Variants in SCG3 observed in about 807,000 individuals in gnomAD.
SCG3 encodes secretogranin-3.
SCG3 carries 38 observed loss-of-function variants against 56.2 expected under a neutral mutation model. That is an observed-to-expected ratio of 0.68 (90% CI 0.52 to 0.89). SCG3 has a LOEUF of 0.89. SCG3 is among the 40% of genes least tolerant of loss of function. SCG3 has a pLI of 0.00. For missense variants in SCG3, 524 were observed against 540.7 expected (o/e 0.97, Z 0.31); for synonymous variants, 176 against 184.2 (o/e 0.96, Z 0.36).
intron 10 of SCG3, among the ~76,000 whole-genome samples, chr15:51,707,563 C>G (rs905276929): frequency 3.3e-5 from 5 of 152,174 alleles, no homozygotes; most frequent in African/African-American, 1.2e-4. Context: ...TCATGAATCT[C>G]CTTTTTAGAA....
chr15:51,719,115 A>AT (rs1444168161), intron 11 of SCG3, among the ~76,000 whole-genome samples: 1 of 152,196 alleles, frequency 6.6e-6, no homozygotes, highest in Non-Finnish European at 1.5e-5. Context: ...AAACATTAAA[A>AT]TTTGCAAAGC....
intron 8 of SCG3, among the ~76,000 whole-genome samples, chr15:51,698,114 T>C (rs759655219): frequency 2.0e-5 from 3 of 152,236 alleles, no homozygotes; most frequent in Non-Finnish European, 2.9e-5. Context: ...CATTACACAT[T>C]AGAATATATT....
At position 51,709,824 on chromosome 15, in the gene SCG3, T is replaced by C. The variant is rs574781984; in HGVS notation, c.1208-3509T>C. On this transcript the variant is annotated intron_variant, in intron 10 of 11. Coordinates refer to ENST00000220478, the MANE Select transcript of SCG3 (RefSeq NM_013243.4). ...CAAGCTCCGCCTCCCGGGTTCATGC[T>C]ATTCTCCTGACTCAGCCTCCCGAGT... Among the ~76,000 whole-genome samples the C allele has an allele frequency of 5.8e-4, 82 of 141,284 alleles. 1 individual carries two copies. Among genetic ancestry groups the C allele is most frequent in the African/African-American group, 1.8e-3 (67 of 38,262 alleles). 92.7% of individuals were successfully genotyped at this position (141,284 alleles called of 152,430 possible).
At chr15:51,688,657 A>G (rs533512076) in intron 5 of SCG3, among the ~76,000 whole-genome samples, 1 of 152,338 alleles carries the variant, frequency 6.6e-6, no homozygotes, top group Admixed American at 6.5e-5. Context: ...AATAGCTTAT[A>G]TCCAACTGGC....
At chr15:51,708,098 C>T (rs543835288) in intron 10 of SCG3, 41 of 152,322 alleles carry the variant, frequency 2.7e-4, no homozygotes, top group African/African-American at 9.4e-4. Context: ...GGCCCTCCTC[C>T]CATCTGCTTC....
At position 51,681,712 on chromosome 15, in the gene SCG3, C is replaced by T; in HGVS notation, c.-44C>T. On this transcript the variant is annotated 5_prime_UTR_variant, in exon 1 of 12. Transcript: ENST00000220478. The stretch of plus-strand genomic sequence containing the variant: ...TCATTCATAACAAAAGCTACAGCTC[C>T]AGGAGCCCAGCGCCGGGCTGTGACC... 2.0e-6 allele frequency: 3 copies of T among 1,478,242 alleles called. No homozygotes were observed. The highest frequency in any genetic ancestry group is 2.8e-6 in the Non-Finnish European group (3 of 1,057,516). 91.6% of individuals were successfully genotyped at this position (1,478,242 alleles called of 1,614,324 possible).
chr15:51,699,442 A>T (rs1472047244), intron 9 of SCG3, 40 bp downstream of exon 9: 1 of 1,271,980 alleles, frequency 7.9e-7, no homozygotes, highest in Admixed American at 2.1e-5. Flanking sequence ...TTAGAATAAT[A>T]ACCCTTTTGA....
At chr15:51,694,502 C>CG (rs1174792463) in intron 7 of SCG3, among the ~76,000 whole-genome samples, 1 of 151,878 alleles carries the variant, frequency 6.6e-6, no homozygotes, top group Non-Finnish European at 1.5e-5. Context: ...ACCATATCTG[C>CG]GGGGGAGGAT....
At position 51,683,306 on chromosome 15, in the gene SCG3, A is replaced by G; in HGVS notation, c.269A>G (p.Glu90Gly). The change falls in exon 4 of 12, where the codon GAA becomes GGA. Residue 90 changes from glutamate to glycine, a missense_variant. Transcript: ENST00000220478. ...AITEKEKIEK[E>G]RQSIRSSPLD... The stretch of plus-strand genomic sequence containing the variant: ...ACAGAAAAGGAAAAAATTGAGAAAG[A>G]AAGACAATCTATAAGAAGCTCCCCA... 6.2e-7 allele frequency: 1 copy of G among 1,613,740 alleles called. No homozygotes were observed. Among genetic ancestry groups the G allele is most frequent in the Non-Finnish European group, 8.5e-7 (1 of 1,179,704 alleles).
At chr15:51,719,020 C>G (rs953907240) in intron 11 of SCG3, among the ~76,000 whole-genome samples, 1 of 152,072 alleles carries the variant, frequency 6.6e-6, no homozygotes, top group Non-Finnish European at 1.5e-5. Flanking sequence ...ACCTGACAGC[C>G]GTTTAAAATG....
chr15:51,702,635 C>G (rs2055346924), intron 10 of SCG3, among the ~76,000 whole-genome samples: 1 of 152,104 alleles, frequency 6.6e-6, no homozygotes, highest in Non-Finnish European at 1.5e-5. Flanking sequence ...AAATTGTTAT[C>G]CCTTTGATTT....
At position 51,714,470 on chromosome 15, in the gene SCG3, G is replaced by A. The variant is rs1241462781; in HGVS notation, c.1288+1057G>A. Among the ~76,000 whole-genome samples the A allele has an allele frequency of 2.0e-5, 3 of 151,096 alleles. No individual in the cohort carries two copies. In the East Asian group the frequency reaches 5.8e-4, roughly 29 times the overall value. On this transcript the variant is annotated intron_variant, in intron 11 of 11. Transcript: ENST00000220478. Reference sequence around the variant, plus strand: ...GGGAGGAACTCAAGAGCCATGTGGAGAAGGAGGATTCTGACACGATTCCCA... The same window carrying A: ...GGGAGGAACTCAAGAGCCATGTGGAAAAGGAGGATTCTGACACGATTCCCA...
At chr15:51,695,595 A>G (rs563980456) in intron 7 of SCG3, 49 of 236,316 alleles carry the variant, frequency 2.1e-4, no homozygotes, top group African/African-American at 1.1e-3. Context: ...ATATTTCAGT[A>G]AAATACTGTA....
intron 9 of SCG3, 144 bp downstream of exon 9, chr15:51,699,546 T>A: frequency 1.5e-6 from 1 of 648,228 alleles, no homozygotes; most frequent in Admixed American, 3.1e-5. Context: ...ATTAATTAGA[T>A]GTGACCTTGG....
At chr15:51,716,120 G>C (rs562586252) in intron 11 of SCG3, among the ~76,000 whole-genome samples, 57 of 152,330 alleles carry the variant, frequency 3.7e-4, no homozygotes, top group African/African-American at 1.3e-3. Context: ...GCCTCCCAAA[G>C]TGTTGGGATT....
At chr15:51,694,575 T>C (rs2055289609) in intron 7 of SCG3, among the ~76,000 whole-genome samples, 1 of 152,184 alleles carries the variant, frequency 6.6e-6, no homozygotes, top group Admixed American at 6.5e-5. Context: ...GCTCAAAGAA[T>C]AGGGAAAATG....
chr15:51,711,826 A>C (rs1305618561), intron 10 of SCG3, among the ~76,000 whole-genome samples: 1 of 152,060 alleles, frequency 6.6e-6, no homozygotes, highest in Non-Finnish European at 1.5e-5. Context: ...TCTGGTGTCC[A>C]TTTACCCCTT....
chr15:51,708,952 CCA>C (rs1337425434), intron 10 of SCG3, among the ~76,000 whole-genome samples: 2 of 152,162 alleles, frequency 1.3e-5, no homozygotes, highest in East Asian at 1.9e-4. Context: ...TGACCCAGCC[CCA>C]GTCATTAAAG....
intron 11 of SCG3, among the ~76,000 whole-genome samples, chr15:51,718,436 G>A (rs1222430767): frequency 2.6e-5 from 4 of 152,222 alleles, no homozygotes; most frequent in East Asian, 1.9e-4. Flanking sequence ...TTCATGGTTC[G>A]TTTTCCTTTC....
Sources: allele counts gnomAD v4.1 joint callset (sites outside exome capture counted in the v4.1 genomes callset), GRCh38; gene constraint gnomAD v4.1.1; transcripts MANE v1.5; gene names NCBI Gene and HGNC (gene_info 2026-07-23, HGNC 2026-07-21).